The following ZNF280C variants were observed in gnomAD, a reference collection of about 807,000 sequenced individuals.
ZNF280C encodes the protein suppressor of hairy wing homolog 3.
A neutral mutation model predicts 53.6 loss-of-function variants in ZNF280C; 14 were observed. That is an observed-to-expected ratio of 0.26 (90% CI 0.17 to 0.41). The LOEUF (loss-of-function observed/expected upper bound fraction) is 0.41. Among genes scored for constraint, ZNF280C ranks in the 10% least tolerant of loss-of-function variants. ZNF280C has a pLI of 1.00. For synonymous variants in ZNF280C, 203 were observed against 181.1 expected (o/e 1.12, Z -0.97); for missense variants, 416 against 547.1 (o/e 0.76, Z 2.39).
chrX:130,234,805 T>C (rs892369472), intron 8 of ZNF280C, among the ~76,000 whole-genome samples: 1 of 111,783 alleles, frequency 8.9e-6, no homozygotes, highest in African/African-American at 3.3e-5. Flanking sequence ...CCATACTCTA[T>C]TAGTACTGTG....
intron 13 of ZNF280C, 119 bp from the exon 14 acceptor site, chrX:130,216,220 T>G: frequency 1.6e-6 from 1 of 617,018 alleles, no homozygotes; most frequent in Middle Eastern, 4.4e-4. Flanking sequence ...CCCAAAACAT[T>G]TCCAATGGGG....
chrX:130,212,688 CTT>C (rs201701168), intron 15 of ZNF280C, among the ~76,000 whole-genome samples: 1,930 of 110,394 alleles, frequency 0.017, 52 homozygotes, highest in African/African-American at 0.061. Flanking sequence ...AAAGAATACT[CTT>C]TATAAATGTT....
intron 16 of ZNF280C, among the ~76,000 whole-genome samples, chrX:130,206,361 G>GTTTTTTT (rs1048503644): frequency 4.1e-5 from 3 of 73,477 alleles, no homozygotes; most frequent in Admixed American, 1.7e-4. Context: ...GACTTCTTTA[G>GTTTTTTT]TTTTTTTTTT....
At chrX:130,233,073 A>G (rs1321551850) in intron 8 of ZNF280C, among the ~76,000 whole-genome samples, 1 of 112,004 alleles carries the variant, frequency 8.9e-6, no homozygotes, top group African/African-American at 3.2e-5. Flanking sequence ...TGGATTTGGA[A>G]AACATGCTAA....
chrX:130,255,977 G>A (rs1462416661), intron 2 of ZNF280C, among the ~76,000 whole-genome samples: 1 of 110,726 alleles, frequency 9.0e-6, no homozygotes, highest in Non-Finnish European at 1.9e-5. Context: ...CAAGAATAAA[G>A]AACAGCTTAG....
chrX:130,212,718 C>G (rs754744989), intron 15 of ZNF280C, among the ~76,000 whole-genome samples: 1 of 110,138 alleles, frequency 9.1e-6, no homozygotes, highest in Admixed American at 9.7e-5. Context: ...AATGGAGGAA[C>G]AAGAAAGCAT....
chrX:130,248,460 C>T (rs753280382), intron 2 of ZNF280C, among the ~76,000 whole-genome samples: 4 of 111,221 alleles, frequency 3.6e-5, no homozygotes, highest in East Asian at 2.9e-4. Context: ...AGGCAGCACA[C>T]GAGCCAGAGT....
intron 5 of ZNF280C, among the ~76,000 whole-genome samples, chrX:130,242,983 A>T (rs139843947): frequency 3.2e-3 from 353 of 111,802 alleles, no homozygotes; most frequent in African/African-American, 0.011. Flanking sequence ...CAACCTGATC[A>T]TACTTTTTCA....
At chrX:130,229,777 T>G (rs1271692006) in intron 9 of ZNF280C, among the ~76,000 whole-genome samples, 2 of 112,339 alleles carry the variant, frequency 1.8e-5, no homozygotes, top group Non-Finnish European at 3.8e-5. Flanking sequence ...CTATTTTAGC[T>G]TCTCTGAAAG....
intron 1 of ZNF280C, among the ~76,000 whole-genome samples, chrX:130,267,845 C>T (rs1252568457): frequency 1.8e-5 from 2 of 111,765 alleles, no homozygotes; most frequent in Non-Finnish European, 3.8e-5. Context: ...TAGTCCAAAC[C>T]TGAAAACAAT....
At chrX:130,264,831 CTG>C (rs1218033069) in intron 1 of ZNF280C, among the ~76,000 whole-genome samples, 5 of 111,524 alleles carry the variant, frequency 4.5e-5, no homozygotes, top group Admixed American at 9.6e-5. Context: ...TGTAAGAACT[CTG>C]AGAATGTTTC....
intron 1 of ZNF280C, among the ~76,000 whole-genome samples, chrX:130,264,479 A>G (rs912699211): frequency 3.6e-5 from 4 of 111,064 alleles, no homozygotes; most frequent in African/African-American, 1.3e-4. Context: ...TTGTTTTGCT[A>G]TTTAACTTTT....
chrX:130,211,838 G>A (rs1199215643), intron 15 of ZNF280C, among the ~76,000 whole-genome samples: 1 of 111,901 alleles, frequency 8.9e-6, no homozygotes, highest in Non-Finnish European at 1.9e-5. Context: ...GGAGAGGGGA[G>A]GACGGAATGA....
At chrX:130,221,579 T>G (rs759395436) in intron 12 of ZNF280C, among the ~76,000 whole-genome samples, 1 of 111,759 alleles carries the variant, frequency 8.9e-6, no homozygotes, top group African/African-American at 3.3e-5. Flanking sequence ...ATATGGGATC[T>G]AAATTCTTGC....
intron 13 of ZNF280C, 86 bp from the exon 14 acceptor site, chrX:130,216,187 A>G (rs191713969): frequency 1.2e-3 from 1,082 of 868,366 alleles, no homozygotes; most frequent in Non-Finnish European, 1.6e-3. Flanking sequence ...TAAATATCAC[A>G]TTTACGGTAA....
In ZNF280C at chrX:130,224,202, A is replaced by C. The variant is rs142018919; in HGVS notation, c.1395+2557T>G. Reference sequence around the variant, plus strand: ...TAAATGGGATTAGTGTCCTTATAAAAGGGACCCTAGAGAGCCCTCTCCACC... The same window carrying C: ...TAAATGGGATTAGTGTCCTTATAAACGGGACCCTAGAGAGCCCTCTCCACC... On this transcript the variant is annotated intron_variant, in intron 12 of 18. Coordinates refer to ENST00000370978, the MANE Select transcript of ZNF280C (RefSeq NM_017666.5). Among the ~76,000 whole-genome samples the C allele has an allele frequency of 5.5e-3, 614 of 111,669 alleles. 2 individuals carry two copies. Among genetic ancestry groups the C allele is most frequent in the African/African-American group, 0.019 (587 of 30,744 alleles).
rs2031945203 is a variant in ZNF280C at position 130,204,126 on chromosome X, A to G, written c.*851T>C. 1 of 111,995 alleles carries G rather than the reference A, an allele frequency of 8.9e-6. No homozygotes were observed. Among genetic ancestry groups the G allele is most frequent in the Non-Finnish European group, 1.9e-5 (1 of 53,132 alleles). The allele number at this position is 111,995 out of a possible 1,213,427, so 9.2% of individuals were successfully genotyped here. ...AGAAAGTAACCTTGGTTCCCATACAATCAGAATTTTGATATTCCTTGGACT... is the reference window on the plus strand; with the variant it reads ...AGAAAGTAACCTTGGTTCCCATACAGTCAGAATTTTGATATTCCTTGGACT... On this transcript the variant is annotated 3_prime_UTR_variant, in exon 19 of 19. Coordinates refer to ENST00000370978, the MANE Select transcript of ZNF280C (RefSeq NM_017666.5).
At chrX:130,207,067 T>C (rs894305458) in intron 16 of ZNF280C, among the ~76,000 whole-genome samples, 6 of 111,207 alleles carry the variant, frequency 5.4e-5, no homozygotes, top group African/African-American at 2.0e-4. Flanking sequence ...AGCCCTTTGA[T>C]TCTGAAGCCC....
At chrX:130,239,386 A>C (rs1313716751) in intron 6 of ZNF280C, among the ~76,000 whole-genome samples, 196 bp downstream of exon 6, 1 of 111,588 alleles carries the variant, frequency 9.0e-6, no homozygotes, top group Non-Finnish European at 1.9e-5. Context: ...AATAGAAATA[A>C]ATAAAACATT....
Sources: gnomAD v4.1 joint callset for allele counts (sites outside exome capture counted in the v4.1 genomes callset) on GRCh38, gnomAD v4.1.1 for gene constraint, MANE v1.5 for transcripts, NCBI Gene and HGNC (gene_info 2026-07-23, HGNC 2026-07-21) for gene names.